Variants in NXN observed in about 807,000 individuals in gnomAD.
NXN encodes nucleoredoxin 1.
NXN carries 16 observed loss-of-function variants against 48.6 expected under a neutral mutation model. The observed-to-expected ratio is 0.33, with a 90% CI of 0.22 to 0.50. NXN has a LOEUF of 0.50. NXN is among the 20% of genes least tolerant of loss of function. NXN has a pLI of 0.98. For missense variants in NXN, 492 were observed against 605.5 expected, an observed-to-expected ratio of 0.81 and a Z score of 1.97; for synonymous variants, 281 against 269.6, an observed-to-expected ratio of 1.04 and a Z score of -0.41.
chr17:847,235 T>C (rs924990344), intron 1 of NXN, among the ~76,000 whole-genome samples: 25 of 151,402 alleles, frequency 1.7e-4, no homozygotes, highest in East Asian at 7.9e-4. Context: ...TTTTTTTTTT[T>C]CCCTTCTCGG....
At position 849,610 on chromosome 17, in the gene NXN, G is replaced by T. The variant is rs144593020; in HGVS notation, c.361-23532C>A. Among the ~76,000 whole-genome samples, 27 of 152,218 alleles carry T rather than the reference G, an allele frequency of 1.8e-4. No individual in the cohort carries two copies. In the East Asian group the frequency reaches 5.2e-3, roughly 29 times the overall value. ...GCCCTCTCAGCCTCAGGGGCCGCTG[G>T]ACTCCCTCTTCCCTCCCTCCACGTC... On this transcript the variant is annotated intron_variant, in intron 1 of 7. Transcript: ENST00000336868. This position sits in a 1 kb window ranked among gnomAD's most constrained non-coding sequence, Gnocchi z 4.2.
chr17:902,164 T>A (rs577868588), intron 1 of NXN, among the ~76,000 whole-genome samples: 60 of 152,330 alleles, frequency 3.9e-4, no homozygotes, highest in Non-Finnish European at 5.0e-4. Flanking sequence ...GGAACAGTGT[T>A]GCTGCTGTCA....
intron 1 of NXN, among the ~76,000 whole-genome samples, chr17:922,776 C>T (rs922456520): frequency 2.6e-5 from 4 of 151,832 alleles, no homozygotes; most frequent in Non-Finnish European, 5.9e-5. Context: ...CTCGGCCTCC[C>T]GAGTAGCTGG....
chr17:888,868 T>C (rs1434593708), intron 1 of NXN, among the ~76,000 whole-genome samples: 2 of 150,760 alleles, frequency 1.3e-5, no homozygotes, highest in African/African-American at 2.4e-5. Flanking sequence ...GGCAGGAGAA[T>C]CACTTGAACC....
chr17:863,711 C>T (rs911121404), intron 1 of NXN, among the ~76,000 whole-genome samples: 1 of 152,212 alleles, frequency 6.6e-6, no homozygotes, highest in African/African-American at 2.4e-5. Flanking sequence ...AATCCTCCTG[C>T]CTCAACCTCC....
chr17:852,317 T>G (rs745361647), intron 1 of NXN, among the ~76,000 whole-genome samples: 14 of 152,086 alleles, frequency 9.2e-5, no homozygotes, highest in South Asian at 2.1e-4. Flanking sequence ...TCGGGGCGTC[T>G]CCAGCAGGGA....
At chr17:933,873 A>C (rs997418672) in intron 1 of NXN, among the ~76,000 whole-genome samples, 2 of 152,170 alleles carry the variant, frequency 1.3e-5, no homozygotes, top group African/African-American at 2.4e-5. Context: ...AATTTGGACT[A>C]AAGTCGTGGA....
intron 6 of NXN, 48 bp downstream of exon 6, chr17:805,020 T>TCCCCCCCCCCCCCCCCCCCCCCCCCCCCC: frequency 6.6e-7 from 1 of 1,512,884 alleles, no homozygotes; most frequent in Admixed American, 2.0e-5. Flanking sequence ...GCCCCTCCTG[T>TCCCCCCCCCCCCCCCCCCCCCCCCCCCCC]CCCGCCCCCC....
At chr17:876,769 C>G (rs185613145) in intron 1 of NXN, among the ~76,000 whole-genome samples, 1 of 152,048 alleles carries the variant, frequency 6.6e-6, no homozygotes, top group Non-Finnish European at 1.5e-5. Context: ...CTTGGCCGGG[C>G]GCGGGGGCTC....
At chr17:812,133 T>C (rs952970869) in intron 5 of NXN, among the ~76,000 whole-genome samples, 35 of 150,658 alleles carry the variant, frequency 2.3e-4, no homozygotes, top group African/African-American at 7.3e-4. Flanking sequence ...TTCACCGTGT[T>C]AGCCAGGACG....
intron 5 of NXN, among the ~76,000 whole-genome samples, chr17:815,765 CT>C (rs1567814815): frequency 6.6e-6 from 1 of 152,230 alleles, no homozygotes; most frequent in East Asian, 1.9e-4. Context: ...AAACGTTCTT[CT>C]TGGCCTGAAC....
chr17:913,232 C>T (rs940147974), intron 1 of NXN, among the ~76,000 whole-genome samples: 1 of 152,090 alleles, frequency 6.6e-6, no homozygotes, highest in Non-Finnish European at 1.5e-5. Flanking sequence ...AAATCCTTCC[C>T]GATTTTGTAA....
chr17:950,572 G>A (rs1048754939), intron 1 of NXN, among the ~76,000 whole-genome samples: 37 of 151,744 alleles, frequency 2.4e-4, no homozygotes, highest in Middle Eastern at 3.4e-3. Context: ...TCAGGGGTGG[G>A]TGGGGTGCAA....
intron 1 of NXN, among the ~76,000 whole-genome samples, chr17:881,124 C>A (rs1210805031): frequency 6.6e-6 from 1 of 152,172 alleles, no homozygotes; most frequent in Non-Finnish European, 1.5e-5. Flanking sequence ...CAAGGAAATG[C>A]AAATTAAAAT....
chr17:979,132 G>A (rs1422333327), intron 1 of NXN, among the ~76,000 whole-genome samples, 187 bp downstream of exon 1: 1 of 95,350 alleles, frequency 1.0e-5, no homozygotes, highest in Non-Finnish European at 2.2e-5. Flanking sequence ...AGGCGGGGAC[G>A]GCGGGGTGGG....
chr17:816,215 G>A (rs1039313692), intron 5 of NXN, among the ~76,000 whole-genome samples: 8 of 152,254 alleles, frequency 5.3e-5, no homozygotes, highest in African/African-American at 1.7e-4. Context: ...CAGTCACGTC[G>A]CTTTTAATTA....
intron 1 of NXN, among the ~76,000 whole-genome samples, chr17:940,489 G>A (rs1284346747): frequency 2.0e-5 from 3 of 152,214 alleles, no homozygotes; most frequent in African/African-American, 4.8e-5. Flanking sequence ...CAATGTCTCT[G>A]TTAAAAATCA....
chr17:860,569 T>G (rs1410585897), intron 1 of NXN, among the ~76,000 whole-genome samples: 8 of 122,292 alleles, frequency 6.5e-5, no homozygotes, highest in Admixed American at 1.9e-4. Context: ...AATTTTTGTA[T>G]TTTCCATAGA....
chr17:815,508 G>C (rs111736308), intron 5 of NXN, among the ~76,000 whole-genome samples: 1 of 132,168 alleles, frequency 7.6e-6, no homozygotes, highest in Non-Finnish European at 1.6e-5. Context: ...TGATGAGGGC[G>C]AGTGTCCACT....
Sources: allele counts gnomAD v4.1 joint callset (sites outside exome capture counted in the v4.1 genomes callset), GRCh38; gene constraint gnomAD v4.1.1; non-coding constraint Gnocchi (gnomAD v3.1); transcripts MANE v1.5; gene names NCBI Gene and HGNC (gene_info 2026-07-23, HGNC 2026-07-21).